The following KAZN variants were observed in gnomAD, a reference collection of about 807,000 sequenced individuals.
KAZN encodes the protein kazrin.
A neutral mutation model predicts 87.4 loss-of-function variants in KAZN; 40 were observed. The observed-to-expected ratio is 0.46, with a 90% confidence interval of 0.36 to 0.60. The LOEUF (loss-of-function observed/expected upper bound fraction) is 0.60. KAZN is among the 20% of genes least tolerant of loss of function. The probability of loss-of-function intolerance (pLI) is 0.00; values close to 1 mark genes in which losing one functional copy is unlikely to be tolerated. For missense variants in KAZN, 898 were observed against 1,073.9 expected, an observed-to-expected ratio of 0.84 and a Z score of 2.29; for synonymous variants, 466 against 458.3, an observed-to-expected ratio of 1.02 and a Z score of -0.22.
intron 1 of KAZN, among the ~76,000 whole-genome samples, chr1:14,840,373 T>G (rs1647818596): frequency 6.6e-6 from 1 of 152,166 alleles, no homozygotes; most frequent in South Asian, 2.1e-4. Flanking sequence ...TTTTGAGCAT[T>G]TGGGTGCCCC....
At chr1:14,044,860 G>A (rs1283282779) in intron 1 of KAZN, among the ~76,000 whole-genome samples, 1 of 152,188 alleles carries the variant, frequency 6.6e-6, no homozygotes, top group Admixed American at 6.5e-5. Context: ...TGACAGAAAT[G>A]ATGTTATGAG....
In KAZN at chr1:14,275,354, A is replaced by G. The variant is rs895412543; in HGVS notation, c.249+94762A>G. Among the ~76,000 whole-genome samples, 3 of 151,990 alleles carry G rather than the reference A, an allele frequency of 2.0e-5. 1 individual carries two copies. Among genetic ancestry groups the G allele is most frequent in the Middle Eastern group, 6.8e-3 (2 of 294 alleles). The stretch of plus-strand genomic sequence containing the variant: ...CATTCCCAGACCTATTGAGTTAGAA[A>G]CTCTGAGGGAGAGACCCAGGAATCT... On this transcript the variant is annotated intron_variant, in intron 2 of 16. Transcript: ENST00000636203.
intron 1 of KAZN, among the ~76,000 whole-genome samples, chr1:14,006,163 C>A (rs12730232): frequency 0.07 from 10,703 of 151,938 alleles, 461 homozygotes; most frequent in Middle Eastern, 0.11. Flanking sequence ...ATTTGTGGTC[C>A]CACTTCTTAT....
At chr1:14,375,309 C>T (rs934882191) in intron 2 of KAZN, among the ~76,000 whole-genome samples, 3 of 152,138 alleles carry the variant, frequency 2.0e-5, no homozygotes, top group African/African-American at 7.2e-5. Context: ...CCCAGGTATG[C>T]TAGACACCTA....
chr1:14,633,108 G>A (rs1357340253), intron 1 of KAZN, among the ~76,000 whole-genome samples: 1 of 152,008 alleles, frequency 6.6e-6, no homozygotes, highest in Non-Finnish European at 1.5e-5. Context: ...GTAGATACAG[G>A]GTTTCACTGT....
At chr1:14,576,267 C>T (rs1675171404) in intron 2 of KAZN, among the ~76,000 whole-genome samples, 2 of 152,058 alleles carry the variant, frequency 1.3e-5, no homozygotes, top group South Asian at 4.1e-4. Flanking sequence ...ACAAAGTAAA[C>T]ACTCAGTAAA....
At position 15,047,757 on chromosome 1, in the gene KAZN, C is replaced by T. The variant is rs138747938; in HGVS notation, c.726+3598C>T. 6.1e-3 allele frequency among the ~76,000 whole-genome samples: 922 copies of T among 152,008 alleles called. 7 individuals carry two copies. Among genetic ancestry groups the T allele is most frequent in the South Asian group, 0.042 (203 of 4,808 alleles). On this transcript the variant is annotated intron_variant, in intron 4 of 14. Transcript: ENST00000376030. ...CTGCACTCCAGCCTGGGCAACAGAGCGAAACCCCATCTCAAAAAAAAAAGA... is the reference window on the plus strand; with the variant it reads ...CTGCACTCCAGCCTGGGCAACAGAGTGAAACCCCATCTCAAAAAAAAAAGA...
chr1:13,992,406 C>T (rs1570471376), intron 1 of KAZN, among the ~76,000 whole-genome samples: 1 of 152,190 alleles, frequency 6.6e-6, no homozygotes, highest in South Asian at 2.1e-4. Context: ...TCTCTTTACT[C>T]TCCTCTTTTG....
chr1:15,073,208 AAGG>A (rs1455281336), intron 8 of KAZN, among the ~76,000 whole-genome samples: 8 of 152,220 alleles, frequency 5.3e-5, no homozygotes, highest in African/African-American at 1.7e-4. Flanking sequence ...TGAGAAGCAC[AAGG>A]AGATCAGTGG....
intron 1 of KAZN, among the ~76,000 whole-genome samples, chr1:13,974,426 T>C (rs1032054590): frequency 1.1e-4 from 17 of 152,364 alleles, no homozygotes; most frequent in Admixed American, 9.1e-4. Flanking sequence ...GCTGTGAATG[T>C]GGCCTTATTT....
At chr1:14,321,219 GA>G (rs1656029444) in intron 2 of KAZN, among the ~76,000 whole-genome samples, 1 of 152,092 alleles carries the variant, frequency 6.6e-6, no homozygotes, top group African/African-American at 2.4e-5. Flanking sequence ...TTTATTGATC[GA>G]GATGTGGGCA....
intron 1 of KAZN, chr1:14,692,294 C>T (rs1278429048): frequency 1.5e-6 from 1 of 648,816 alleles, no homozygotes; most frequent in Non-Finnish European, 2.4e-6. Flanking sequence ...GGATCTCTGC[C>T]TGCTTTTTAA....
At position 14,685,403 on chromosome 1, in the gene KAZN, G is replaced by A. The variant is rs1557888443; in HGVS notation, c.226+86180G>A. Among the ~76,000 whole-genome samples, 3 of 152,310 alleles carry A rather than the reference G, an allele frequency of 2.0e-5. No homozygotes were observed. In the East Asian group the frequency reaches 5.8e-4, roughly 29 times the overall value. ...GTGGCAGGCTGAGCTCCAGCAGGAG[G>A]GGAAGGCCTCAGATGAAGAAATGCG... is the stretch of plus-strand genomic sequence containing the variant. On this transcript the variant is annotated intron_variant, in intron 1 of 14. Coordinates refer to ENST00000376030, the MANE Select transcript of KAZN (RefSeq NM_201628.3).
intron 1 of KAZN, among the ~76,000 whole-genome samples, chr1:13,932,526 C>T (rs1570316256): frequency 6.6e-6 from 1 of 152,194 alleles, no homozygotes; most frequent in Non-Finnish European, 1.5e-5. Flanking sequence ...TCCCAAAGTG[C>T]TGGGATTACA....
chr1:14,027,180 A>G (rs530078376), intron 1 of KAZN, among the ~76,000 whole-genome samples: 6 of 152,150 alleles, frequency 3.9e-5, no homozygotes, highest in Non-Finnish European at 8.8e-5. Flanking sequence ...CTGCAGACAA[A>G]CAGCCTCCTC....
chr1:14,338,251 A>G (rs544653184), intron 2 of KAZN, among the ~76,000 whole-genome samples: 1 of 152,176 alleles, frequency 6.6e-6, no homozygotes, highest in East Asian at 1.9e-4. Flanking sequence ...AGGTGGGTGG[A>G]TCACTTGAGG....
At chr1:14,595,328 C>A (rs1457830684), upstream of KAZN, among the ~76,000 whole-genome samples, 4 of 152,040 alleles carry the variant, frequency 2.6e-5, no homozygotes, top group East Asian at 3.9e-4. Context: ...AACATAGCAA[C>A]CGTTTTGTTC....
intron 1 of KAZN, among the ~76,000 whole-genome samples, chr1:14,167,520 C>T (rs1048533833): frequency 2.6e-5 from 4 of 152,080 alleles, no homozygotes; most frequent in Admixed American, 6.5e-5. Flanking sequence ...GTCAGGAGTT[C>T]GAGACCAGCC....
chr1:14,592,230 G>C (rs141885379), intron 2 of KAZN, among the ~76,000 whole-genome samples: 26 of 152,274 alleles, frequency 1.7e-4, no homozygotes, highest in Non-Finnish European at 3.1e-4. Flanking sequence ...CTGTGGAGAG[G>C]GAGGGTAACT....
Sources: allele counts gnomAD v4.1 joint callset (sites outside exome capture counted in the v4.1 genomes callset), GRCh38; gene constraint gnomAD v4.1.1; transcripts MANE v1.5; gene names NCBI Gene and HGNC (gene_info 2026-07-23, HGNC 2026-07-21).